ARK2C: variants seen among roughly 807,000 people sequenced by gnomAD.
ARK2C encodes E3 ubiquitin-protein ligase ARK2C.
At chr18:46,384,363 G>A in the ARK2C span, among the ~76,000 whole-genome samples, 3 of 152,192 alleles carry the variant, frequency 2.0e-5, no homozygotes, top group Non-Finnish European at 4.4e-5. Flanking sequence ...GTGTGGGGGG[G>A]ATTCTTGATA....
chr18:46,403,648 C>A, the ARK2C span, among the ~76,000 whole-genome samples: 11 of 152,020 alleles, frequency 7.2e-5, no homozygotes, highest in African/African-American at 1.7e-4. Context: ...GAGGCCGAGG[C>A]GGGTGGATAA....
chr18:46,362,574 T>A, the ARK2C span, among the ~76,000 whole-genome samples: 15 of 152,220 alleles, frequency 9.9e-5, no homozygotes, highest in Non-Finnish European at 1.9e-4. Context: ...AAATAGATAG[T>A]GGCACAGCCA....
At chr18:46,406,831 C>T in the ARK2C span, among the ~76,000 whole-genome samples, 44 of 152,288 alleles carry the variant, frequency 2.9e-4, no homozygotes, top group East Asian at 2.1e-3. Context: ...TGGCTGGGAG[C>T]GGATGGTGAG....
the ARK2C span, among the ~76,000 whole-genome samples, chr18:46,374,814 C>T: frequency 6.6e-6 from 1 of 152,214 alleles, no homozygotes; most frequent in South Asian, 2.1e-4. Flanking sequence ...TTCCTGGAGA[C>T]ACTTCCTGGG....
the ARK2C span, among the ~76,000 whole-genome samples, chr18:46,388,729 T>G: frequency 2.0e-5 from 3 of 152,058 alleles, no homozygotes; most frequent in African/African-American, 7.2e-5. Context: ...AAAAAGCAGC[T>G]TTTTCAGAAG....
chr18:46,414,434 C>T, the ARK2C span, among the ~76,000 whole-genome samples: 2,739 of 152,348 alleles, frequency 0.018, 29 homozygotes, highest in South Asian at 0.031. Context: ...CAGCTGCTCT[C>T]TGTGTGTGCA....
At chr18:46,426,062 C>T in the ARK2C span, among the ~76,000 whole-genome samples, 503 of 152,236 alleles carry the variant, frequency 3.3e-3, 1 homozygote, top group Middle Eastern at 6.8e-3. Context: ...TAATCACCTC[C>T]CAAAGGCCCT....
the ARK2C span, among the ~76,000 whole-genome samples, chr18:46,449,994 G>C: frequency 3.3e-5 from 5 of 152,320 alleles, no homozygotes; most frequent in African/African-American, 1.2e-4. Flanking sequence ...AAAATGGGGA[G>C]AGTAATAGCA....
the ARK2C span, chr18:46,447,578 T>C: frequency 2.5e-6 from 4 of 1,614,122 alleles, no homozygotes; most frequent in Admixed American, 6.7e-5. Context: ...TCAGTGTGGA[T>C]GCTGGCTTGA....
chr18:46,345,882 G>A, the ARK2C span, among the ~76,000 whole-genome samples: 1 of 152,160 alleles, frequency 6.6e-6, no homozygotes, highest in African/African-American at 2.4e-5. Flanking sequence ...ATTCTTCAGG[G>A]TCACCCCAAG....
chr18:46,401,085 C>A, the ARK2C span, among the ~76,000 whole-genome samples: 1 of 152,158 alleles, frequency 6.6e-6, no homozygotes, highest in Non-Finnish European at 1.5e-5. Flanking sequence ...CTGAGAGACA[C>A]AGGGACGTGG....
At chr18:46,370,255 A>G in the ARK2C span, among the ~76,000 whole-genome samples, 1 of 152,242 alleles carries the variant, frequency 6.6e-6, no homozygotes, top group Non-Finnish European at 1.5e-5. Context: ...CTCTATAGGC[A>G]GGGGAGGGGA....
chr18:46,392,003 T>C, the ARK2C span, among the ~76,000 whole-genome samples: 6,268 of 150,532 alleles, frequency 0.042, 417 homozygotes, highest in African/African-American at 0.15. Context: ...ATACCACACA[T>C]ATGCACACAA....
chr18:46,348,392 G>T, the ARK2C span, among the ~76,000 whole-genome samples: 1 of 152,320 alleles, frequency 6.6e-6, no homozygotes, highest in South Asian at 2.1e-4. Flanking sequence ...GTTGCTGGTG[G>T]TTGATTGTCT....
chr18:46,366,962 T>A, the ARK2C span, among the ~76,000 whole-genome samples: 13 of 152,218 alleles, frequency 8.5e-5, no homozygotes, highest in Non-Finnish European at 1.5e-4. Context: ...TAGGGCCCAG[T>A]CATCCCGTTG....
At chr18:46,348,905 T>TGC in the ARK2C span, among the ~76,000 whole-genome samples, 1 of 6,292 alleles carries the variant, frequency 1.6e-4, no homozygotes, top group African/African-American at 2.0e-4. Context: ...TCTTTCTGTG[T>TGC]GTGTGTGTGT....
At chr18:46,350,112 A>G in the ARK2C span, among the ~76,000 whole-genome samples, 1 of 152,210 alleles carries the variant, frequency 6.6e-6, no homozygotes, top group Non-Finnish European at 1.5e-5. Flanking sequence ...AGAGAAATAC[A>G]GGCTTAAATG....
chr18:46,351,061 C>T, the ARK2C span, among the ~76,000 whole-genome samples: 5 of 152,198 alleles, frequency 3.3e-5, no homozygotes, highest in African/African-American at 9.6e-5. Flanking sequence ...CCAGAGCTCA[C>T]GTGTGGCAGA....
At chr18:46,366,992 A>C in the ARK2C span, among the ~76,000 whole-genome samples, 1 of 152,210 alleles carries the variant, frequency 6.6e-6, no homozygotes, top group South Asian at 2.1e-4. Flanking sequence ...GATTCACAAC[A>C]AGAGGAAATT....
Sources: gnomAD v4.1 joint callset for allele counts (sites outside exome capture counted in the v4.1 genomes callset) on GRCh38, gnomAD v4.1.1 for gene constraint, MANE v1.5 for transcripts, NCBI Gene and HGNC (gene_info 2026-07-23, HGNC 2026-07-21) for gene names.